Variants in PRUNE2 observed in about 807,000 individuals in gnomAD.
PRUNE2 encodes protein prune homolog 2.
A neutral mutation model predicts 252.0 loss-of-function variants in PRUNE2; 164 were observed. That is an observed-to-expected ratio of 0.65 (90% confidence interval 0.57 to 0.74). PRUNE2 has a LOEUF of 0.74. Ranked by LOEUF, PRUNE2 falls within the 30% of genes least tolerant of loss-of-function variation. PRUNE2 has a pLI of 0.00. For missense variants in PRUNE2, 3,495 were observed against 3,711.0 expected, an observed-to-expected ratio of 0.94 and a Z score of 1.51; for synonymous variants, 1,292 against 1,350.2, an observed-to-expected ratio of 0.96 and a Z score of 0.94.
At chr9:76,729,195 G>C (rs575472839) in intron 6 of PRUNE2, among the ~76,000 whole-genome samples, 87 of 152,300 alleles carry the variant, frequency 5.7e-4, no homozygotes, top group Non-Finnish European at 9.4e-4. Context: ...TTCTCCAGGT[G>C]CTGTCTTTAG....
intron 9 of PRUNE2, among the ~76,000 whole-genome samples, chr9:76,699,116 C>T (rs1271751232): frequency 1.4e-5 from 2 of 145,416 alleles, no homozygotes; most frequent in Non-Finnish European, 3.0e-5. Flanking sequence ...TCCCTTTTCT[C>T]AATCCTCTTG....
chr9:76,665,379 G>C (rs1325279309), intron 9 of PRUNE2, among the ~76,000 whole-genome samples: 1 of 151,958 alleles, frequency 6.6e-6, no homozygotes, highest in African/African-American at 2.4e-5. Context: ...ACCCCACAGA[G>C]TAAGGTCCTG....
intron 3 of PRUNE2, among the ~76,000 whole-genome samples, chr9:76,848,837 T>C (rs140877488): frequency 1.3e-5 from 2 of 152,336 alleles, no homozygotes; most frequent in East Asian, 3.9e-4. Flanking sequence ...AAGATACAAG[T>C]TCTAATCCCC....
chr9:76,774,232 C>T (rs1240836429), intron 6 of PRUNE2, among the ~76,000 whole-genome samples: 2 of 151,516 alleles, frequency 1.3e-5, no homozygotes, highest in South Asian at 4.2e-4. Context: ...ACCTCCTAGG[C>T]TCAAGCGATC....
chr9:76,904,550 C>T (rs1251160866), intron 1 of PRUNE2, among the ~76,000 whole-genome samples: 1 of 152,178 alleles, frequency 6.6e-6, no homozygotes, highest in East Asian at 1.9e-4. Flanking sequence ...TCCTTCATTA[C>T]TAGGTAAAGA....
intron 6 of PRUNE2, among the ~76,000 whole-genome samples, chr9:76,800,615 G>A (rs2056483231): frequency 6.6e-6 from 1 of 152,136 alleles, no homozygotes; most frequent in Non-Finnish European, 1.5e-5. Flanking sequence ...TAATCTCTGT[G>A]AGGTTAAATA....
chr9:76,806,103 C>T (rs983042415), intron 6 of PRUNE2, among the ~76,000 whole-genome samples: 5 of 152,110 alleles, frequency 3.3e-5, no homozygotes, highest in East Asian at 3.9e-4. Flanking sequence ...GTTCAAAGTG[C>T]GGTCTCTGAA....
At chr9:76,636,983 G>T (rs1399909089) in intron 14 of PRUNE2, among the ~76,000 whole-genome samples, 1 of 144,566 alleles carries the variant, frequency 6.9e-6, no homozygotes, top group Non-Finnish European at 1.5e-5. Context: ...ATGTGTGTGT[G>T]TGTGTGTGTG....
chr9:76,705,540 T>A lies in PRUNE2; in HGVS notation c.6734A>T (p.Glu2245Val). 6.2e-7 allele frequency: 1 copy of A among 1,614,048 alleles called. No individual in the cohort carries two copies. Among genetic ancestry groups the A allele is most frequent in the Non-Finnish European group, 8.5e-7 (1 of 1,179,884 alleles). ...IFVTHQEPTP[E>V]GDGSWISDSF... Reference sequence around the variant, plus strand: ...GTCTGATATCCAAGAACCGTCACCTTCTGGAGTTGGCTCTTGGTGAGTTAC... The same window carrying A: ...GTCTGATATCCAAGAACCGTCACCTACTGGAGTTGGCTCTTGGTGAGTTAC... Residue 2245 changes from glutamate (E) to valine (V), a missense_variant, in exon 8 of 19, where the codon GAA becomes GTA. Glu to Val is a moderately radical substitution (Grantham distance 121). Coordinates refer to ENST00000376718, the MANE Select transcript of PRUNE2 (RefSeq NM_015225.3).
chr9:76,621,129 C>CAGAT (rs140237585), intron 17 of PRUNE2, among the ~76,000 whole-genome samples: 4,621 of 152,126 alleles, frequency 0.03, 237 homozygotes, highest in African/African-American at 0.11. Flanking sequence ...AAACAGTGGA[C>CAGAT]AGATAGGTTT....
rs916097068 is a variant in PRUNE2 at position 76,744,050 on chromosome 9, A to C, written c.757-30329T>G. ...TCAAGTTTGTCTAAGTGCACTAATA[A>C]ACACTAGTGGTTGAGAGTTAACTGA... On this transcript the variant is annotated intron_variant, in intron 6 of 18. Transcript: ENST00000376718. Among the ~76,000 whole-genome samples, 65 of 152,188 alleles carry C rather than the reference A, an allele frequency of 4.3e-4. 3 individuals are homozygous for C.
intron 6 of PRUNE2, among the ~76,000 whole-genome samples, chr9:76,746,778 C>T (rs914994493): frequency 1.5e-4 from 22 of 150,168 alleles, no homozygotes; most frequent in Admixed American, 1.3e-3. Context: ...TCGGGATAGC[C>T]GAACACACAG....
intron 6 of PRUNE2, chr9:76,787,681 G>A (rs1165227418): frequency 6.6e-6 from 1 of 152,010 alleles, no homozygotes; most frequent in Middle Eastern, 3.2e-3. Flanking sequence ...TCATCCCTTT[G>A]TCTCCATAGC....
At chr9:76,748,570 A>T (rs1419964992) in intron 6 of PRUNE2, 1 of 152,204 alleles carries the variant, frequency 6.6e-6, no homozygotes, top group Non-Finnish European at 1.5e-5. Flanking sequence ...AGATGGTGGC[A>T]CAGGTCTATA....
intron 16 of PRUNE2, among the ~76,000 whole-genome samples, chr9:76,628,533 G>A (rs756751379): frequency 1.2e-4 from 18 of 149,864 alleles, no homozygotes; most frequent in Admixed American, 2.0e-4. Context: ...TGCTAAGACC[G>A]TCTTGTGTCT....
At chr9:76,728,659 G>A (rs79107366) in intron 6 of PRUNE2, among the ~76,000 whole-genome samples, 4,663 of 152,216 alleles carry the variant, frequency 0.031, 122 homozygotes, top group East Asian at 0.082. Flanking sequence ...TTTTAAATAA[G>A]CAGCCCTAAC....
At chr9:76,618,553 C>T (rs1830686128) in intron 18 of PRUNE2, among the ~76,000 whole-genome samples, 1 of 152,200 alleles carries the variant, frequency 6.6e-6, no homozygotes, top group Non-Finnish European at 1.5e-5. Flanking sequence ...CTAATTCGCT[C>T]TGTTCTCTTA....
At position 76,685,603 on chromosome 9, in the gene PRUNE2, C is replaced by G. The variant is rs377525356; in HGVS notation, c.8276+17734G>C. Among the ~76,000 whole-genome samples the G allele has an allele frequency of 5.9e-5, 9 of 152,246 alleles. 1 individual carries two copies. The East Asian group carries it at 9.7e-4, about 16-fold the overall frequency. On this transcript the variant is annotated intron_variant, in intron 9 of 18. Coordinates refer to ENST00000376718, the MANE Select transcript of PRUNE2 (RefSeq NM_015225.3). ...GAGGAAATTTGGACACAAACACACA[C>G]AGAGGGAAGACCGGAAGACCAGAAG...
intron 15 of PRUNE2, among the ~76,000 whole-genome samples, chr9:76,631,185 T>C (rs112718925): frequency 2.0e-5 from 3 of 152,312 alleles, no homozygotes; most frequent in African/African-American, 7.2e-5. Flanking sequence ...TGTGGAGTTG[T>C]TGAGCTAAAT....
Sources: gnomAD v4.1 joint callset for allele counts (sites outside exome capture counted in the v4.1 genomes callset) on GRCh38, gnomAD v4.1.1 for gene constraint, MANE v1.5 for transcripts, NCBI Gene and HGNC (gene_info 2026-07-23, HGNC 2026-07-21) for gene names.